The following XIAP variants were observed in gnomAD, a reference collection of about 807,000 sequenced individuals.
The protein encoded by XIAP is E3 ubiquitin-protein ligase XIAP.
A neutral mutation model predicts 33.1 loss-of-function variants in XIAP; 3 were observed. The ratio of observed to expected loss-of-function variants is 0.09; its 90% CI spans 0.04 to 0.23. The LOEUF (loss-of-function observed/expected upper bound fraction) is 0.23, where lower values mean the gene tolerates loss of function less well. Ranked by LOEUF, XIAP falls within the 10% of genes least tolerant of loss-of-function variation. The pLI is 1.00. For missense variants in XIAP, 264 were observed against 363.0 expected, an observed-to-expected ratio of 0.73 and a Z score of 2.22; for synonymous variants, 98 against 121.3, an observed-to-expected ratio of 0.81 and a Z score of 1.26.
intron 1 of XIAP, among the ~76,000 whole-genome samples, chrX:123,877,222 C>T (rs755273167): frequency 1.8e-5 from 2 of 110,751 alleles, no homozygotes; most frequent in Non-Finnish European, 3.8e-5. Flanking sequence ...TGCACCACCA[C>T]GCCTGACTAC....
At chrX:123,883,754 C>T (rs1276487545) in intron 1 of XIAP, among the ~76,000 whole-genome samples, 1 of 111,069 alleles carries the variant, frequency 9.0e-6, no homozygotes, top group African/African-American at 3.3e-5. Flanking sequence ...CCTCGGCCTC[C>T]CAAAGTGCTG....
At chrX:123,898,346 G>GT (rs938488206) in intron 5 of XIAP, among the ~76,000 whole-genome samples, 2 of 111,019 alleles carry the variant, frequency 1.8e-5, no homozygotes, top group African/African-American at 6.5e-5. Context: ...CTTTTTGTTT[G>GT]TTTGTTTTTG....
chrX:123,887,166 G>A (rs939016022), intron 2 of XIAP, among the ~76,000 whole-genome samples: 11 of 111,943 alleles, frequency 9.8e-5, no homozygotes, highest in African/African-American at 3.6e-4. Context: ...TGATCCACCC[G>A]CCTCGGCCTC....
At position 123,913,195 on chromosome X, in the gene XIAP, G is replaced by A. The variant is rs934129202; in HGVS notation, c.*6014G>A. 6.1e-6 allele frequency: 2 copies of A among 327,094 alleles called. No individual in the cohort carries two copies. Among genetic ancestry groups the A allele is most frequent in the Admixed American group, 3.1e-5 (1 of 31,898 alleles). The allele number at this position is 327,094 out of a possible 1,213,427, so 27.0% of individuals were successfully genotyped here. A position where few individuals can be genotyped will look rare whatever the true frequency, so the allele number is the denominator to read the frequency against. ...TCTTCAAAGTAGACAAATGGCGCCG[G>A]GCACGGTGGCTCACGCCTGTAATCC... On this transcript the variant is annotated 3_prime_UTR_variant, in exon 7 of 7. Transcript: ENST00000371199.
At chrX:123,900,421 G>T in intron 5 of XIAP, 72 bp from the exon 6 acceptor site, 1 of 896,500 alleles carries the variant, frequency 1.1e-6, no homozygotes, top group East Asian at 3.3e-5. Flanking sequence ...ACTATATTTT[G>T]CTATTGAGTT....
chrX:123,910,252 A>C lies in XIAP; in HGVS notation c.*3071A>C, dbSNP rs945451567. ...TTTGGTTTTTTCCCCTGTCCCTTTG[A>C]TTACGGGCTAAGGTAGGGTAGAGTG... On this transcript the variant is annotated 3_prime_UTR_variant, in exon 7 of 7. Transcript: ENST00000371199. 1 of 329,219 alleles carries C rather than the reference A, an allele frequency of 3.0e-6. No homozygotes were observed. The highest frequency in any genetic ancestry group is 5.9e-6 in the Non-Finnish European group (1 of 169,901). 27.1% of individuals were successfully genotyped at this position (329,219 alleles called of 1,213,427 possible).
In XIAP at chrX:123,899,161, ATATATGATTT is replaced by A. The variant is rs1384819298; in HGVS notation, c.1100-1326_1100-1317del. Among the ~76,000 whole-genome samples, 23 of 35,552 alleles carry A rather than the reference ATATATGATTT, an allele frequency of 6.5e-4. 5 individuals are homozygous for A. The highest frequency in any genetic ancestry group is 9.5e-4 in the Non-Finnish European group (19 of 19,925). 30.9% of individuals were successfully genotyped at this position (35,552 alleles called of 115,157 possible). On this transcript the variant is annotated intron_variant, in intron 5 of 6. Coordinates refer to ENST00000371199, the MANE Select transcript of XIAP (RefSeq NM_001167.4). ...AAAAAAAAAATATATATATATATAT[ATATATGATTT>A]TATATATATATGATTTTATATATAT... is the stretch of plus-strand genomic sequence containing the variant.
Position 123,893,050 on chromosome X carries a change from G to A in XIAP, c.1099+277G>A, listed in dbSNP as rs188657185. On this transcript the variant is annotated intron_variant, in intron 5 of 6. Transcript: ENST00000371199. The stretch of plus-strand genomic sequence containing the variant: ...TTGGCCAGGCTGGTCTCAAACTCCT[G>A]ATCTTGTGATGCGCCCGCCTCGGCC... 7.7e-3 allele frequency among the ~76,000 whole-genome samples: 834 copies of A among 108,518 alleles called. 7 individuals are homozygous for A. Among genetic ancestry groups the A allele is most frequent in the African/African-American group, 0.026 (786 of 29,865 alleles). 94.2% of individuals were successfully genotyped at this position (108,518 alleles called of 115,157 possible). A position where few individuals can be genotyped will look rare whatever the true frequency, so the allele number is the denominator to read the frequency against.
chrX:123,911,152 C>A lies in XIAP; in HGVS notation c.*3971C>A, dbSNP rs1453538962. 3.0e-6 allele frequency: 1 copy of A among 328,947 alleles called. No homozygotes were observed. The highest frequency in any genetic ancestry group is 5.9e-6 in the Non-Finnish European group (1 of 169,919). The allele number at this position is 328,947 out of a possible 1,213,427, so 27.1% of individuals were successfully genotyped here. On this transcript the variant is annotated 3_prime_UTR_variant, in exon 7 of 7. Transcript: ENST00000371199. ...ATTCTTACATGATAACTCAGTGATG[C>A]TTACTCATAGTTTTTGGTGTTTCTC...
intron 2 of XIAP, among the ~76,000 whole-genome samples, chrX:123,887,423 A>T (rs2053362174): frequency 8.9e-6 from 1 of 112,566 alleles, no homozygotes; most frequent in Non-Finnish European, 1.9e-5. Flanking sequence ...AAGATATTTT[A>T]AAAAGTTATA....
intron 6 of XIAP, 43 bp downstream of exon 6, chrX:123,900,736 G>A (rs770781783): frequency 1.8e-6 from 2 of 1,135,789 alleles, no homozygotes; most frequent in Admixed American, 4.4e-5. Flanking sequence ...GGCCAGATGT[G>A]GTGGCTCATA....
At chrX:123,880,682 A>G (rs2053293191) in intron 1 of XIAP, among the ~76,000 whole-genome samples, 1 of 101,438 alleles carries the variant, frequency 9.9e-6, no homozygotes, top group African/African-American at 3.6e-5. Context: ...GGTTGCAGTG[A>G]GTTGAGATCA....
chrX:123,906,861 A>T, intron 6 of XIAP, 127 bp from the exon 7 acceptor site: 8 of 727,930 alleles, frequency 1.1e-5, no homozygotes, highest in African/African-American at 2.1e-5. Flanking sequence ...GCCACGGGTG[A>T]GTCATCCTCA....
intron 1 of XIAP, among the ~76,000 whole-genome samples, chrX:123,873,189 C>T (rs1186764709): frequency 9.1e-6 from 1 of 109,698 alleles, no homozygotes. Context: ...TGCGCCAGCA[C>T]GCCCGGCTAA....
At position 123,913,654 on chromosome X, in the gene XIAP, A is replaced by C. The variant is rs775649120; in HGVS notation, c.*6473A>C. The C allele has an allele frequency of 2.1e-4, 67 of 322,624 alleles. No individual in the cohort carries two copies. Among genetic ancestry groups the C allele is most frequent in the South Asian group, 1.1e-3 (40 of 36,460 alleles). 26.6% of individuals were successfully genotyped at this position (322,624 alleles called of 1,213,427 possible). The stretch of plus-strand genomic sequence containing the variant: ...ATGTTACCATTTTTCTGGATTTAGT[A>C]AGAAATTTGCAGTTTTGGTTTGATG... On this transcript the variant is annotated 3_prime_UTR_variant, in exon 7 of 7. Coordinates refer to ENST00000371199, the MANE Select transcript of XIAP (RefSeq NM_001167.4).
intron 6 of XIAP, among the ~76,000 whole-genome samples, chrX:123,904,644 CAG>C (rs1433019287): frequency 9.1e-6 from 1 of 109,915 alleles, no homozygotes; most frequent in Non-Finnish European, 1.9e-5. Context: ...TTTCTTGAGA[CAG>C]GGTCTCGCTC....
intron 2 of XIAP, among the ~76,000 whole-genome samples, chrX:123,887,174 C>T (rs1461449066): frequency 8.9e-6 from 1 of 112,215 alleles, no homozygotes; most frequent in Non-Finnish European, 1.9e-5. Context: ...CCGCCTCGGC[C>T]TCCCAAAGTG....
intron 4 of XIAP, among the ~76,000 whole-genome samples, 154 bp from the exon 5 acceptor site, chrX:123,892,577 T>G: frequency 9.0e-6 from 1 of 111,239 alleles, no homozygotes; most frequent in East Asian, 2.8e-4. Flanking sequence ...GACTTCCTTC[T>G]AGCTCCATCA....
intron 2 of XIAP, among the ~76,000 whole-genome samples, chrX:123,888,003 T>TAA (rs1569478079): frequency 1.5e-5 from 1 of 67,203 alleles, no homozygotes; most frequent in East Asian, 5.5e-4. Flanking sequence ...ATAATAATAA[T>TAA]TAATAAATAA....
Sources: allele counts gnomAD v4.1 joint callset (sites outside exome capture counted in the v4.1 genomes callset), GRCh38; gene constraint gnomAD v4.1.1; transcripts MANE v1.5; gene names NCBI Gene and HGNC (gene_info 2026-07-23, HGNC 2026-07-21).